STXBP5L: variants seen among roughly 807,000 people sequenced by gnomAD.
The protein encoded by STXBP5L is syntaxin binding protein 5L, also known as syntaxin-binding protein 5-like.
In STXBP5L, 65 loss-of-function variants were observed where a neutral mutation model predicts 144.5. That is an observed-to-expected ratio of 0.45 (90% CI 0.37 to 0.55). STXBP5L has a LOEUF of 0.55. Ranked by LOEUF, STXBP5L falls within the 20% of genes least tolerant of loss-of-function variation. The probability of loss-of-function intolerance (pLI) is 0.00; values close to 1 mark genes in which losing one functional copy is unlikely to be tolerated. For missense variants in STXBP5L, 1,298 were observed against 1,405.5 expected, an observed-to-expected ratio of 0.92 and a Z score of 1.22; for synonymous variants, 505 against 469.6, an observed-to-expected ratio of 1.08 and a Z score of -0.97.
intron 23 of STXBP5L, 59 bp from the exon 24 acceptor site, chr3:121,413,099 G>A (rs1466790560): frequency 2.4e-6 from 3 of 1,261,640 alleles, no homozygotes; most frequent in Non-Finnish European, 3.2e-6. Flanking sequence ...CTGTTTTTAT[G>A]TAAATATCTG....
At chr3:120,981,261 C>T (rs1025209311) in intron 3 of STXBP5L, among the ~76,000 whole-genome samples, 7 of 152,104 alleles carry the variant, frequency 4.6e-5, no homozygotes, top group Non-Finnish European at 1.0e-4. Flanking sequence ...CTAGCAAAAC[C>T]AGGGAAGTTT....
intron 3 of STXBP5L, among the ~76,000 whole-genome samples, chr3:121,021,278 T>C (rs1945531010): frequency 6.6e-6 from 1 of 152,138 alleles, no homozygotes; most frequent in Non-Finnish European, 1.5e-5. Context: ...CAATTACTAC[T>C]AGACCTAAGC....
intron 19 of STXBP5L, among the ~76,000 whole-genome samples, chr3:121,310,053 G>A (rs575570424): frequency 9.9e-5 from 15 of 152,216 alleles, no homozygotes; most frequent in African/African-American, 2.9e-4. Flanking sequence ...TTTGACAAAG[G>A]CACCAATAAA....
chr3:121,026,811 C>T lies in STXBP5L; in HGVS notation c.288-14889C>T, dbSNP rs368520599. Reference sequence around the variant, plus strand: ...TATATACATATGTAACAAACCTTCACGTTGTGCACATGTACCCTAAAACTT... The same window carrying T: ...TATATACATATGTAACAAACCTTCATGTTGTGCACATGTACCCTAAAACTT... On this transcript the variant is annotated intron_variant, in intron 3 of 26. Coordinates refer to ENST00000471454, the MANE Select transcript of STXBP5L (RefSeq NM_001308330.2). Among the ~76,000 whole-genome samples, 26 of 151,904 alleles carry T rather than the reference C, an allele frequency of 1.7e-4. 1 individual carries two copies. The highest frequency in any genetic ancestry group is 3.4e-3 in the Middle Eastern group (1 of 294).
At chr3:121,172,640 C>T (rs1469199390) in intron 9 of STXBP5L, among the ~76,000 whole-genome samples, 1 of 152,202 alleles carries the variant, frequency 6.6e-6, no homozygotes, top group Non-Finnish European at 1.5e-5. Context: ...GATACCATCT[C>T]AGGCCAGTTA....
chr3:120,910,500 G>A (rs918763788), intron 2 of STXBP5L, among the ~76,000 whole-genome samples: 1 of 152,122 alleles, frequency 6.6e-6, no homozygotes, highest in African/African-American at 2.4e-5. Context: ...ATGACATAAA[G>A]TGATTTATAA....
chr3:121,207,080 C>A (rs2048364675), intron 10 of STXBP5L, among the ~76,000 whole-genome samples: 1 of 152,062 alleles, frequency 6.6e-6, no homozygotes, highest in Non-Finnish European at 1.5e-5. Context: ...TCATTTTTAA[C>A]CTGTTATTTT....
At chr3:121,020,377 G>T (rs1223366209) in intron 3 of STXBP5L, among the ~76,000 whole-genome samples, 1 of 152,198 alleles carries the variant, frequency 6.6e-6, no homozygotes, top group Non-Finnish European at 1.5e-5. Flanking sequence ...AGCCTTGCTA[G>T]AGATCTAGAC....
At chr3:121,342,760 G>C (rs1184330425) in intron 20 of STXBP5L, among the ~76,000 whole-genome samples, 5 of 146,696 alleles carry the variant, frequency 3.4e-5, no homozygotes, top group African/African-American at 7.6e-5. Context: ...TGGACATTTG[G>C]GTTGGTTCCA....
At chr3:121,327,375 G>T (rs985374994) in intron 20 of STXBP5L, among the ~76,000 whole-genome samples, 1 of 152,168 alleles carries the variant, frequency 6.6e-6, no homozygotes, top group Admixed American at 6.5e-5. Context: ...TGGAAAGAAT[G>T]AGTCTAGGAG....
chr3:120,977,987 T>G (rs1185715335), intron 3 of STXBP5L, among the ~76,000 whole-genome samples: 1 of 152,246 alleles, frequency 6.6e-6, no homozygotes, highest in Non-Finnish European at 1.5e-5. Flanking sequence ...ATTTTTTCCT[T>G]CATTTCAACT....
intron 9 of STXBP5L, among the ~76,000 whole-genome samples, chr3:121,203,526 AAATAT>A (rs1345836015): frequency 6.6e-6 from 1 of 152,210 alleles, no homozygotes; most frequent in African/African-American, 2.4e-5. Context: ...GAATAGTAAG[AAATAT>A]AATTGTCGAT....
At chr3:121,255,239 G>T in intron 16 of STXBP5L, 127 bp downstream of exon 16, 1 of 601,370 alleles carries the variant, frequency 1.7e-6, no homozygotes, top group South Asian at 4.2e-5. Flanking sequence ...ACAATTCACA[G>T]GATTTTAAAT....
At chr3:121,377,627 A>G (rs984340612) in intron 20 of STXBP5L, among the ~76,000 whole-genome samples, 11 of 152,236 alleles carry the variant, frequency 7.2e-5, no homozygotes, top group Non-Finnish European at 1.5e-4. Flanking sequence ...ATGAGATACC[A>G]TCTCAGGCCA....
Position 121,318,529 on chromosome 3 carries a change from C to T in STXBP5L, c.2165C>T (p.Ser722Phe), listed in dbSNP as rs1341783362. 4 of 1,556,566 alleles carry T rather than the reference C, an allele frequency of 2.6e-6. No homozygotes were observed. In the South Asian group the frequency reaches 3.7e-5, roughly 14 times the overall value. ...CCCCTAGAACTTGAGCGCTGCAAGTCTCCTACCTCAGGTAAACATGAGTGG... is the reference window on the plus strand; with the variant it reads ...CCCCTAGAACTTGAGCGCTGCAAGTTTCCTACCTCAGGTAAACATGAGTGG... ...PVPLELERCK[S>F]PTSDHVNGHC... The change falls in exon 20 of 27, where the codon TCT (serine) becomes TTT (phenylalanine). Residue 722 changes from serine (S) to phenylalanine (F), a missense_variant. Transcript: ENST00000471454.
intron 3 of STXBP5L, among the ~76,000 whole-genome samples, chr3:120,982,404 T>A (rs1941869656): frequency 6.6e-6 from 1 of 152,050 alleles, no homozygotes; most frequent in Non-Finnish European, 1.5e-5. Context: ...GAGCTCCTGG[T>A]GAAATGTACT....
intron 3 of STXBP5L, among the ~76,000 whole-genome samples, chr3:120,985,960 G>A (rs990187214): frequency 2.6e-5 from 4 of 151,732 alleles, no homozygotes; most frequent in Non-Finnish European, 4.4e-5. Flanking sequence ...TGATGGCTGT[G>A]TGTTTATTTT....
intron 19 of STXBP5L, among the ~76,000 whole-genome samples, chr3:121,309,714 A>C (rs2043461175): frequency 6.6e-6 from 1 of 152,186 alleles, no homozygotes; most frequent in African/African-American, 2.4e-5. Context: ...TACCAGGTTT[A>C]CAGGTTGGAA....
intron 21 of STXBP5L, among the ~76,000 whole-genome samples, chr3:121,380,619 ACT>A (rs554556036): frequency 9.3e-4 from 142 of 151,934 alleles, no homozygotes; most frequent in Non-Finnish European, 1.5e-3. Flanking sequence ...GAGCTGAAGC[ACT>A]CTCAGAAAGA....
Sources: allele counts gnomAD v4.1 joint callset (sites outside exome capture counted in the v4.1 genomes callset), GRCh38; gene constraint gnomAD v4.1.1; transcripts MANE v1.5; gene names NCBI Gene and HGNC (gene_info 2026-07-23, HGNC 2026-07-21).